The following PHACTR3 variants were observed in gnomAD, a reference collection of about 807,000 sequenced individuals.
PHACTR3 encodes phosphatase and actin regulator 3.
PHACTR3 carries 16 observed loss-of-function variants against 66.8 expected under a neutral mutation model. That is an observed-to-expected ratio of 0.24 (90% confidence interval 0.16 to 0.36). The LOEUF is 0.36. Among genes scored for constraint, PHACTR3 ranks in the 10% least tolerant of loss-of-function variants. PHACTR3 has a pLI of 1.00. For missense variants in PHACTR3, 647 were observed against 719.9 expected (o/e 0.90, Z 1.16); for synonymous variants, 323 against 292.1 (o/e 1.11, Z -1.08).
At chr20:59,680,501 C>T (rs141926798) in intron 1 of PHACTR3, among the ~76,000 whole-genome samples, 43 of 152,246 alleles carry the variant, frequency 2.8e-4, no homozygotes, top group African/African-American at 7.0e-4. Flanking sequence ...ATGCAGTTTA[C>T]GCAGCATTTT....
chr20:59,716,343 C>T (rs1466853421), intron 1 of PHACTR3, among the ~76,000 whole-genome samples: 2 of 151,820 alleles, frequency 1.3e-5, no homozygotes, highest in African/African-American at 4.8e-5. Context: ...ACCTCTGCCT[C>T]CCAGGTTCAA....
At chr20:59,741,671 C>G (rs1273663442) in intron 1 of PHACTR3, among the ~76,000 whole-genome samples, 3 of 152,070 alleles carry the variant, frequency 2.0e-5, no homozygotes, top group African/African-American at 7.2e-5. Context: ...GGACACACGG[C>G]TTGTGCTACA....
chr20:59,786,303 G>C (rs1167452894), intron 7 of PHACTR3, among the ~76,000 whole-genome samples: 5 of 152,198 alleles, frequency 3.3e-5, no homozygotes, highest in Non-Finnish European at 7.3e-5. Context: ...ACCTGCTGGA[G>C]GTTCAATTTC....
At chr20:59,682,795 A>G (rs767440174) in intron 1 of PHACTR3, among the ~76,000 whole-genome samples, 4 of 152,202 alleles carry the variant, frequency 2.6e-5, no homozygotes, top group Non-Finnish European at 5.9e-5. Flanking sequence ...TTCCAGGAAC[A>G]GGGAGGAGGA....
chr20:59,741,785 CAG>C (rs2039171127), intron 1 of PHACTR3, among the ~76,000 whole-genome samples: 1 of 148,000 alleles, frequency 6.8e-6, no homozygotes, highest in African/African-American at 2.5e-5. Context: ...TTTTTTGAGA[CAG>C]AGTCTCACCC....
intron 1 of PHACTR3, among the ~76,000 whole-genome samples, chr20:59,683,076 A>T (rs2036724754): frequency 6.6e-6 from 1 of 152,224 alleles, no homozygotes; most frequent in African/African-American, 2.4e-5. Flanking sequence ...GTGGACGTGG[A>T]CACTTCTAGA....
intron 10 of PHACTR3, 95 bp from the exon 11 acceptor site, chr20:59,841,300 T>C: frequency 1.5e-6 from 2 of 1,312,574 alleles, no homozygotes; most frequent in East Asian, 4.8e-5. Context: ...TTTTTTGTTT[T>C]GTTTTGTTTT....
At chr20:59,627,268 C>T (rs1010304364) in intron 1 of PHACTR3, among the ~76,000 whole-genome samples, 3 of 152,210 alleles carry the variant, frequency 2.0e-5, no homozygotes, top group Non-Finnish European at 2.9e-5. Flanking sequence ...CCCTCCCTCA[C>T]TCTCATTGCT....
At chr20:59,701,225 G>C (rs570025976) in intron 1 of PHACTR3, among the ~76,000 whole-genome samples, 8 of 152,188 alleles carry the variant, frequency 5.3e-5, no homozygotes, top group Non-Finnish European at 1.0e-4. Flanking sequence ...CTGTGCTCAT[G>C]GCAGGCTGAG....
At chr20:59,697,933 G>A (rs191657581) in intron 1 of PHACTR3, among the ~76,000 whole-genome samples, 4 of 152,146 alleles carry the variant, frequency 2.6e-5, no homozygotes, top group African/African-American at 7.2e-5. Flanking sequence ...ATATAAATTG[G>A]TATGGCCATC....
At chr20:59,700,799 T>G (rs1042383601) in intron 1 of PHACTR3, among the ~76,000 whole-genome samples, 1 of 152,148 alleles carries the variant, frequency 6.6e-6, no homozygotes, top group African/African-American at 2.4e-5. Context: ...GTTTTTTTGT[T>G]TTTGTTTTGA....
At chr20:59,695,425 G>A (rs1370203375) in intron 1 of PHACTR3, among the ~76,000 whole-genome samples, 3 of 152,022 alleles carry the variant, frequency 2.0e-5, no homozygotes, top group Admixed American at 1.3e-4. Flanking sequence ...TTTGCCTTCC[G>A]CCGTGATTAT....
chr20:59,630,430 G>A (rs1044512675), intron 1 of PHACTR3, among the ~76,000 whole-genome samples: 32 of 152,152 alleles, frequency 2.1e-4, no homozygotes, highest in African/African-American at 6.5e-4. Flanking sequence ...TGATCCGCCC[G>A]CCTAGGCCTC....
chr20:59,811,767 A>G (rs1016398873), intron 8 of PHACTR3, among the ~76,000 whole-genome samples: 4 of 152,162 alleles, frequency 2.6e-5, no homozygotes, highest in African/African-American at 9.7e-5. Flanking sequence ...GGGCTCTGGA[A>G]CAGTGCAGCA....
intron 1 of PHACTR3, among the ~76,000 whole-genome samples, chr20:59,595,752 G>A (rs567583744): frequency 2.3e-4 from 35 of 152,244 alleles, no homozygotes; most frequent in African/African-American, 8.4e-4. Flanking sequence ...TTTACCTCAT[G>A]TATTTTGACG....
At chr20:59,658,390 A>C (rs971578505) in intron 1 of PHACTR3, among the ~76,000 whole-genome samples, 1 of 151,070 alleles carries the variant, frequency 6.6e-6, no homozygotes, top group Non-Finnish European at 1.5e-5. Flanking sequence ...TTTTTTTCAA[A>C]GCTGGACGTT....
Position 59,829,980 on chromosome 20 carries a change from A to G in PHACTR3, c.1329-6525A>G, listed in dbSNP as rs904707911. Among the ~76,000 whole-genome samples, 1 of 152,054 alleles carries G rather than the reference A, an allele frequency of 6.6e-6. No homozygotes were observed. Among genetic ancestry groups the G allele is most frequent in the Admixed American group, 6.5e-5 (1 of 15,288 alleles). ...GCTTCTCCTGACCCCGTGTCCTTCC[A>G]CTTCCTGAAATTACCTGCAGCCCCT... On this transcript the variant is annotated intron_variant, in intron 8 of 12. Transcript: ENST00000371015. This position sits in a 1 kb window ranked among gnomAD's most constrained non-coding sequence, Gnocchi z 4.2.
rs2033588130 is a variant in PHACTR3, at chr20:59,604,556, A to C, written c.-459A>C. ...ACAGCTTTCAGATTAAAGCAATTGC[A>C]AGAGCAAAGATTCTTCCTTTTCCCT... On this transcript the variant is annotated 5_prime_UTR_variant, in exon 1 of 13. Transcript: ENST00000371015. The C allele has an allele frequency of 1.2e-6, 1 of 849,654 alleles. No homozygotes were observed. Among genetic ancestry groups the C allele is most frequent in the Non-Finnish European group, 1.4e-6 (1 of 716,282 alleles). 52.6% of individuals were successfully genotyped at this position (849,654 alleles called of 1,614,324 possible).
chr20:59,784,865 G>T (rs899285262), intron 7 of PHACTR3, among the ~76,000 whole-genome samples: 1 of 152,192 alleles, frequency 6.6e-6, no homozygotes, highest in Non-Finnish European at 1.5e-5. Flanking sequence ...CTGGCATACC[G>T]CAAGGGCTCA....
Sources: gnomAD v4.1 joint callset for allele counts (sites outside exome capture counted in the v4.1 genomes callset) on GRCh38, gnomAD v4.1.1 for gene constraint, Gnocchi (gnomAD v3.1) non-coding constraint, MANE v1.5 for transcripts, NCBI Gene and HGNC (gene_info 2026-07-23, HGNC 2026-07-21) for gene names.